UPRT: variants seen among roughly 807,000 people sequenced by gnomAD.
UPRT encodes the protein RP11-311P8.3.
A neutral mutation model predicts 22.6 loss-of-function variants in UPRT; 5 were observed. That is an observed-to-expected ratio of 0.22 (90% CI 0.12 to 0.47). UPRT has a LOEUF of 0.47. Among genes scored for constraint, UPRT ranks in the 20% least tolerant of loss-of-function variants. UPRT has a pLI of 0.99. For missense variants in UPRT, 181 were observed against 239.9 expected, an observed-to-expected ratio of 0.75 and a Z score of 1.62; for synonymous variants, 77 against 87.7, an observed-to-expected ratio of 0.88 and a Z score of 0.68.
At chrX:75,279,300 G>A (rs756703651) in intron 1 of UPRT, among the ~76,000 whole-genome samples, 8 of 111,450 alleles carry the variant, frequency 7.2e-5, no homozygotes, top group Non-Finnish European at 1.3e-4. Flanking sequence ...AATGCCCACC[G>A]CAGAAAAAAA....
At chrX:75,258,025 G>C (rs1168224354) in intron 4 of UPRT, among the ~76,000 whole-genome samples, 1 of 109,684 alleles carries the variant, frequency 9.1e-6, no homozygotes, top group Non-Finnish European at 1.9e-5. Flanking sequence ...AGCCATGGAG[G>C]ACTGTGCCTT....
At chrX:75,186,925 T>C (rs2082294668) in intron 4 of UPRT, among the ~76,000 whole-genome samples, 2 of 111,753 alleles carry the variant, frequency 1.8e-5, no homozygotes, top group African/African-American at 6.5e-5. Context: ...TCTCTGCATG[T>C]GAGATGGGTT....
intron 4 of UPRT, among the ~76,000 whole-genome samples, chrX:75,299,297 G>C (rs1045618428): frequency 8.9e-6 from 1 of 112,367 alleles, no homozygotes; most frequent in Non-Finnish European, 1.9e-5. Context: ...CCTAAAAGGA[G>C]ACTTTCTGAT....
intron 1 of UPRT, among the ~76,000 whole-genome samples, chrX:75,159,543 T>A (rs1221427496): frequency 8.9e-6 from 1 of 111,806 alleles, no homozygotes; most frequent in Non-Finnish European, 1.9e-5. Flanking sequence ...ACTTAAATAT[T>A]CAAAATCCGA....
chrX:75,248,931 A>T (rs1412785397), intron 4 of UPRT, among the ~76,000 whole-genome samples: 4 of 112,023 alleles, frequency 3.6e-5, no homozygotes, highest in Non-Finnish European at 5.6e-5. Context: ...AAGAATTTTC[A>T]ACCCAGAATT....
At chrX:75,167,977 C>A (rs2082217280) in intron 4 of UPRT, among the ~76,000 whole-genome samples, 1 of 111,965 alleles carries the variant, frequency 8.9e-6, no homozygotes, top group Admixed American at 9.4e-5. Flanking sequence ...AGTCAGCTTG[C>A]AGGCATTGCT....
upstream of UPRT, chrX:75,274,058 T>C (rs753881779): frequency 4.1e-6 from 2 of 490,642 alleles, no homozygotes; most frequent in Admixed American, 4.5e-5. Flanking sequence ...AGGCAGGCAG[T>C]ACGTCTGGTG....
intron 3 of UPRT, among the ~76,000 whole-genome samples, chrX:75,166,197 A>G (rs968555058): frequency 8.9e-6 from 1 of 111,897 alleles, no homozygotes; most frequent in African/African-American, 3.3e-5. Context: ...CTCATTGTAT[A>G]TGATAATTAA....
intron 4 of UPRT, among the ~76,000 whole-genome samples, chrX:75,185,532 T>A (rs2082286946): frequency 8.9e-6 from 1 of 112,197 alleles, no homozygotes; most frequent in Admixed American, 9.4e-5. Context: ...GATGCTGGCC[T>A]CATAAAATGA....
At chrX:75,157,507 T>C (rs1410995011) in intron 1 of UPRT, among the ~76,000 whole-genome samples, 1 of 111,917 alleles carries the variant, frequency 8.9e-6, no homozygotes, top group Non-Finnish European at 1.9e-5. Context: ...TTTGGGAAAG[T>C]AGTAGGAGGT....
At position 75,187,414 on chromosome X, in the gene UPRT, C is replaced by T. The variant is rs777697007; in HGVS notation, c.-447+19535C>T. On this transcript the variant is annotated intron_variant, in intron 4 of 13. Transcript: ENST00000652605. The stretch of plus-strand genomic sequence containing the variant: ...TCCGCTGTTAGTCTGATGGGCTTCC[C>T]TTTGAGGGTAACCCGACATTTCTCT... 3.3e-3 allele frequency among the ~76,000 whole-genome samples: 368 copies of T among 111,643 alleles called. 2 individuals are homozygous for T. The highest frequency in any genetic ancestry group is 0.011 in the African/African-American group (348 of 30,642).
At position 75,185,005 on chromosome X, in the gene UPRT, C is replaced by A. The variant is rs769415316; in HGVS notation, c.-447+17126C>A. The stretch of plus-strand genomic sequence containing the variant: ...AGTTCCTCTTTTCCTAATTGAATAC[C>A]CTTTGTTTCCTTCTCCTGCCTGATT... On this transcript the variant is annotated intron_variant, in intron 4 of 13. Transcript: ENST00000652605. Among the ~76,000 whole-genome samples the A allele has an allele frequency of 2.1e-3, 228 of 110,703 alleles. 2 individuals are homozygous for A. Among genetic ancestry groups the A allele is most frequent in the Non-Finnish European group, 1.9e-3 (102 of 52,927 alleles).
intron 4 of UPRT, among the ~76,000 whole-genome samples, chrX:75,242,585 G>A (rs2082491659): frequency 1.0e-5 from 1 of 97,425 alleles, no homozygotes; most frequent in African/African-American, 3.6e-5. Context: ...GTCTGCTCCT[G>A]CACTTACTGC....
chrX:75,179,685 G>T (rs1569259745), intron 4 of UPRT, among the ~76,000 whole-genome samples: 4 of 113,490 alleles, frequency 3.5e-5, no homozygotes, highest in Admixed American at 9.2e-5. Context: ...CTAAGGCTCG[G>T]TGAGAAATTG....
intron 4 of UPRT, among the ~76,000 whole-genome samples, chrX:75,234,353 C>G (rs1182005263): frequency 9.0e-6 from 1 of 111,041 alleles, no homozygotes; most frequent in Non-Finnish European, 1.9e-5. Context: ...TTTAACACCC[C>G]ACTGTCAACA....
chrX:75,300,709 C>A (rs767630545), intron 5 of UPRT, among the ~76,000 whole-genome samples, 158 bp from the exon 6 acceptor site: 1 of 110,755 alleles, frequency 9.0e-6, no homozygotes, highest in South Asian at 3.9e-4. Flanking sequence ...ATGGCTTGAG[C>A]CTGGGAGGTC....
At chrX:75,303,334 A>G (rs762077075) in intron 6 of UPRT, 71 bp from the exon 7 acceptor site, 2 of 805,232 alleles carry the variant, frequency 2.5e-6, no homozygotes, top group South Asian at 4.6e-5. Flanking sequence ...AGTGGCAATA[A>G]CTACAAAATT....
At chrX:75,172,147 C>G (rs774503870) in intron 4 of UPRT, among the ~76,000 whole-genome samples, 2 of 111,810 alleles carry the variant, frequency 1.8e-5, no homozygotes, top group Admixed American at 1.9e-4. Context: ...CTAGAACTCT[C>G]TATAGAATAT....
rs774270606 is a variant in UPRT, at chrX:75,190,131, A to G, written c.-447+22252A>G. On this transcript the variant is annotated intron_variant, in intron 4 of 13. Transcript: ENST00000652605. ...TGGCTGATACCGGTTGTTCCTTTCCATGTTTAGTGCTTCCTTCAGGAGCTC... is the reference window on the plus strand; with the variant it reads ...TGGCTGATACCGGTTGTTCCTTTCCGTGTTTAGTGCTTCCTTCAGGAGCTC... Among the ~76,000 whole-genome samples the G allele has an allele frequency of 5.4e-5, 6 of 111,791 alleles. No individual in the cohort carries two copies. The East Asian group carries it at 1.7e-3, about 31-fold the overall frequency.
Sources: gnomAD v4.1 joint callset for allele counts (sites outside exome capture counted in the v4.1 genomes callset) on GRCh38, gnomAD v4.1.1 for gene constraint, MANE v1.5 for transcripts, NCBI Gene and HGNC (gene_info 2026-07-23, HGNC 2026-07-21) for gene names.